Variants in DPP10 observed in about 807,000 individuals in gnomAD.
DPP10 encodes the protein dipeptidyl peptidase like 10, also known as inactive dipeptidyl peptidase 10.
Under a neutral mutation model 120.9 loss-of-function variants are expected in DPP10, and 33 were observed. That is an observed-to-expected ratio of 0.27 (90% CI 0.21 to 0.37). The LOEUF (loss-of-function observed/expected upper bound fraction) is 0.37. DPP10 is among the 10% of genes least tolerant of loss of function. DPP10 has a pLI of 1.00. For synonymous variants in DPP10, 337 were observed against 326.1 expected, an observed-to-expected ratio of 1.03 and a Z score of -0.36; for missense variants, 816 against 942.8, an observed-to-expected ratio of 0.87 and a Z score of 1.76.
intron 3 of DPP10, among the ~76,000 whole-genome samples, chr2:115,491,795 A>C (rs1460473384): frequency 3.9e-5 from 6 of 152,168 alleles, no homozygotes; most frequent in Admixed American, 2.0e-4. Context: ...GGGCATGTCC[A>C]AGATGGCAAT....
At chr2:115,826,287 G>A (rs768793544) in intron 21 of DPP10, among the ~76,000 whole-genome samples, 3 of 152,148 alleles carry the variant, frequency 2.0e-5, no homozygotes, top group Non-Finnish European at 4.4e-5. Context: ...TTTATTTAAA[G>A]GCTATAATTG....
intron 1 of DPP10, among the ~76,000 whole-genome samples, chr2:114,827,926 C>A (rs1272400741): frequency 6.6e-6 from 1 of 152,132 alleles, no homozygotes; most frequent in African/African-American, 2.4e-5. Context: ...TCACCATTTT[C>A]TTTTTTTACA....
At chr2:115,162,322 G>T (rs1416293299) in intron 1 of DPP10, 2 of 1,472,798 alleles carry the variant, frequency 1.4e-6, no homozygotes, top group African/African-American at 1.5e-5. Context: ...CCCACCGAGG[G>T]AGGGAGAGGC....
At chr2:114,922,512 A>G (rs934349578) in intron 1 of DPP10, among the ~76,000 whole-genome samples, 3 of 152,106 alleles carry the variant, frequency 2.0e-5, no homozygotes, top group Admixed American at 1.3e-4. Flanking sequence ...GGGTTTCACC[A>G]TGTTGGCCAG....
intron 1 of DPP10, among the ~76,000 whole-genome samples, chr2:114,618,125 T>A (rs761261893): frequency 4.8e-4 from 73 of 152,258 alleles, no homozygotes; most frequent in African/African-American, 1.7e-3. Context: ...TAAATATGTA[T>A]CAAGAAGCTC....
chr2:114,708,504 C>T (rs1700821712), intron 1 of DPP10, among the ~76,000 whole-genome samples: 1 of 152,110 alleles, frequency 6.6e-6, no homozygotes, highest in Non-Finnish European at 1.5e-5. Context: ...TTCCCCTGTT[C>T]CCACCACCGG....
intron 5 of DPP10, among the ~76,000 whole-genome samples, chr2:115,638,676 T>C (rs1236875712): frequency 1.3e-5 from 2 of 152,324 alleles, no homozygotes; most frequent in African/African-American, 4.8e-5. Flanking sequence ...CATTGTATGA[T>C]TGAGTCCTCC....
intron 5 of DPP10, among the ~76,000 whole-genome samples, chr2:115,607,835 T>C (rs1461978761): frequency 6.6e-6 from 1 of 152,116 alleles, no homozygotes; most frequent in Non-Finnish European, 1.5e-5. Flanking sequence ...ACGACATACA[T>C]TATATCCCAG....
At chr2:114,801,118 C>G (rs1049335115) in intron 1 of DPP10, among the ~76,000 whole-genome samples, 5 of 151,452 alleles carry the variant, frequency 3.3e-5, no homozygotes, top group Non-Finnish European at 7.4e-5. Flanking sequence ...AAAAAATTAG[C>G]CGGGTGTGGT....
At chr2:115,643,631 A>G (rs1022525469) in intron 5 of DPP10, among the ~76,000 whole-genome samples, 3 of 152,224 alleles carry the variant, frequency 2.0e-5, no homozygotes, top group Non-Finnish European at 2.9e-5. Context: ...TTAAATTACA[A>G]GAATTACTTG....
chr2:115,674,704 G>A (rs2090140353), intron 5 of DPP10, among the ~76,000 whole-genome samples: 1 of 152,174 alleles, frequency 6.6e-6, no homozygotes, highest in Non-Finnish European at 1.5e-5. Flanking sequence ...TATGCATGAA[G>A]TGATTGAAAT....
chr2:114,669,408 A>G (rs1362890685), intron 1 of DPP10, among the ~76,000 whole-genome samples: 1 of 152,100 alleles, frequency 6.6e-6, no homozygotes, highest in Non-Finnish European at 1.5e-5. Flanking sequence ...AAAACCTGGG[A>G]ATTAAGCTGT....
chr2:114,765,939 T>C (rs1002523940), intron 1 of DPP10, among the ~76,000 whole-genome samples: 2 of 152,116 alleles, frequency 1.3e-5, no homozygotes, highest in African/African-American at 2.4e-5. Context: ...TCAGGGGTCA[T>C]ACAGATTAAA....
chr2:115,527,742 G>A (rs866775627), intron 5 of DPP10, among the ~76,000 whole-genome samples: 6 of 152,090 alleles, frequency 3.9e-5, no homozygotes, highest in Non-Finnish European at 7.4e-5. Context: ...TTTACAGATG[G>A]CAATAAGTAC....
intron 5 of DPP10, among the ~76,000 whole-genome samples, chr2:115,681,406 T>C (rs1045135424): frequency 6.6e-6 from 1 of 151,752 alleles, no homozygotes; most frequent in African/African-American, 2.4e-5. Flanking sequence ...TATGAGGGTA[T>C]AGTGTTATGC....
At chr2:114,769,661 A>C (rs1024454121) in intron 1 of DPP10, among the ~76,000 whole-genome samples, 1 of 152,202 alleles carries the variant, frequency 6.6e-6, no homozygotes, top group African/African-American at 2.4e-5. Context: ...TCATTACTAG[A>C]GTATGATTCA....
At chr2:114,795,125 C>T (rs1683592614) in intron 1 of DPP10, among the ~76,000 whole-genome samples, 4 of 151,940 alleles carry the variant, frequency 2.6e-5, no homozygotes, top group Non-Finnish European at 4.4e-5. Context: ...GGGATGGAAC[C>T]GTTAAAATGT....
At chr2:115,437,764 G>C (rs933433291) in intron 3 of DPP10, among the ~76,000 whole-genome samples, 1 of 152,102 alleles carries the variant, frequency 6.6e-6, no homozygotes, top group South Asian at 2.1e-4. Flanking sequence ...TAGAAAATAG[G>C]TGTGAATTTT....
intron 1 of DPP10, among the ~76,000 whole-genome samples, chr2:114,475,677 G>T (rs533031579): frequency 8.5e-5 from 13 of 152,130 alleles, no homozygotes; most frequent in South Asian, 4.1e-4. Context: ...AGAACCATTT[G>T]TAGTTAATCT....
Sources: gnomAD v4.1 joint callset for allele counts (sites outside exome capture counted in the v4.1 genomes callset) on GRCh38, gnomAD v4.1.1 for gene constraint, MANE v1.5 for transcripts, NCBI Gene and HGNC (gene_info 2026-07-23, HGNC 2026-07-21) for gene names.